DMRTA2: variants seen among roughly 807,000 people sequenced by gnomAD.
DMRTA2 encodes the protein doublesex- and mab-3-related transcription factor A2.
DMRTA2 carries 10 observed loss-of-function variants against 29.7 expected under a neutral mutation model. The observed-to-expected ratio is 0.34, with a 90% confidence interval of 0.21 to 0.57. The LOEUF (loss-of-function observed/expected upper bound fraction) is 0.57. Among genes scored for constraint, DMRTA2 ranks in the 20% least tolerant of loss-of-function variants. The pLI is 0.87. For synonymous variants in DMRTA2, 469 were observed against 402.6 expected (o/e 1.16, Z -1.97); for missense variants, 783 against 812.1 (o/e 0.96, Z 0.44).
In DMRTA2 at chr1:50,421,599, G is replaced by A. The variant is rs1252402620; in HGVS notation, c.-8-55C>T. ...AGACCTGGTGAGGAGCACACCGCGC[G>A]CTAGGCCAAAGCGCCGCCTTGAGGA... is the stretch of plus-strand genomic sequence containing the variant. On this transcript the variant is annotated intron_variant, in intron 1 of 2. Transcript: ENST00000404795. This position sits in a 1 kb window ranked among gnomAD's most constrained non-coding sequence, Gnocchi z 8.7. 100 of 1,218,878 alleles carry A rather than the reference G, an allele frequency of 8.2e-5. No individual in the cohort carries two copies. The highest frequency in any genetic ancestry group is 3.2e-4 in the Middle Eastern group (1 of 3,134). 75.5% of individuals were successfully genotyped at this position (1,218,878 alleles called of 1,614,324 possible).
intron 1 of DMRTA2, 54 bp downstream of exon 1, chr1:50,423,062 G>C (rs560006800): frequency 6.6e-6 from 1 of 152,546 alleles, no homozygotes; most frequent in East Asian, 1.9e-4. Flanking sequence ...CCTCAACAGG[G>C]GCCGCAGACC....
At position 50,419,520 on chromosome 1, in the gene DMRTA2, C is replaced by G. The variant is rs765368886; in HGVS notation, c.774G>C (p.Glu258Asp). The change falls in exon 3 of 3, where the codon GAG (glutamate) becomes GAC (aspartate). Residue 258 changes from glutamate (E) to aspartate (D), a missense_variant. Glu to Asp is a conservative substitution (Grantham distance 45). Around this residue, in one of 3 missense-constraint regions of DMRTA2, gnomAD observed 667 missense variants for 624.8 expected, o/e 1.07. Coordinates refer to ENST00000404795, the MANE Select transcript of DMRTA2 (RefSeq NM_032110.3). The surrounding 1 kb of genome is among the most constrained non-coding windows in gnomAD (Gnocchi z 6.1). ...SGSPLARASK[E>D]AGGSCPGSAG... ...CGCTGCCTGGGCAGCTGCCACCTGC[C>G]TCTTTGGAGGCCCGAGCTAGGGGCG... The G allele has an allele frequency of 3.1e-6, 5 of 1,588,196 alleles. No homozygotes were observed. Among genetic ancestry groups the G allele is most frequent in the East Asian group, 2.3e-5 (1 of 43,756 alleles).
chr1:50,419,852 G>T lies in DMRTA2; in HGVS notation c.560-118C>A. Reference sequence around the variant, plus strand: ...CAGCCCCACAGCCCTTATTCACTAGGCTCCAGTGCCCCTCTTTCTTTTTGC... The same window carrying T: ...CAGCCCCACAGCCCTTATTCACTAGTCTCCAGTGCCCCTCTTTCTTTTTGC... On this transcript the variant is annotated intron_variant, in intron 2 of 2. Transcript: ENST00000404795. The surrounding 1 kb of genome is among the most constrained non-coding windows in gnomAD (Gnocchi z 6.1). 1.2e-6 allele frequency: 1 copy of T among 828,292 alleles called. No individual in the cohort carries two copies. The allele number at this position is 828,292 out of a possible 1,614,324, so 51.3% of individuals were successfully genotyped here.
Position 50,421,645 on chromosome 1 carries a change from T to C in DMRTA2, c.-8-101A>G. The C allele has an allele frequency of 8.4e-7, 1 of 1,188,928 alleles. No homozygotes were observed. Among genetic ancestry groups the C allele is most frequent in the Non-Finnish European group, 1.0e-6 (1 of 960,290 alleles). 73.6% of individuals were successfully genotyped at this position (1,188,928 alleles called of 1,614,324 possible). On this transcript the variant is annotated intron_variant, in intron 1 of 2. Transcript: ENST00000404795. This position sits in a 1 kb window ranked among gnomAD's most constrained non-coding sequence, Gnocchi z 8.7. ...GAGGAACCCAAGCTGGAGAGGGAAA[T>C]TTGGGCCGCGGAGGCTGGGCTAGAG... is the stretch of plus-strand genomic sequence containing the variant.
rs1646047459 is a variant in DMRTA2 at position 50,422,662 on chromosome 1, G to A, written c.-9+454C>T. Among the ~76,000 whole-genome samples, 1 of 152,192 alleles carries A rather than the reference G, an allele frequency of 6.6e-6. No homozygotes were observed. ...TCACACTGCCCTCCCCTCCCCTCCG[G>A]GTTTAGGGACAGAGTCGTCAGACAC... is the stretch of plus-strand genomic sequence containing the variant. On this transcript the variant is annotated intron_variant, in intron 1 of 2. Transcript: ENST00000404795. This position sits in a 1 kb window ranked among gnomAD's most constrained non-coding sequence, Gnocchi z 5.7.
chr1:50,420,051 G>C lies in DMRTA2; in HGVS notation c.560-317C>G, dbSNP rs1254330392. Among the ~76,000 whole-genome samples, 1 of 152,104 alleles carries C rather than the reference G, an allele frequency of 6.6e-6. No individual in the cohort carries two copies. Among genetic ancestry groups the C allele is most frequent in the African/African-American group, 2.4e-5 (1 of 41,416 alleles). ...TTAACTGCCCTTCCAGTCCTGCCCT[G>C]CCGTGGAGAAGTGGCCAGGTCCAGG... On this transcript the variant is annotated intron_variant, in intron 2 of 2. Coordinates refer to ENST00000404795, the MANE Select transcript of DMRTA2 (RefSeq NM_032110.3). The surrounding 1 kb of genome is among the most constrained non-coding windows in gnomAD (Gnocchi z 4.1).
In DMRTA2 at chr1:50,420,939, A is replaced by G; in HGVS notation, c.559+39T>C. 7.1e-7 allele frequency: 1 copy of G among 1,410,480 alleles called. No individual in the cohort carries two copies. Among genetic ancestry groups the G allele is most frequent in the Non-Finnish European group, 9.2e-7 (1 of 1,092,578 alleles). 87.4% of individuals were successfully genotyped at this position (1,410,480 alleles called of 1,614,324 possible). ...CTGGGCCCCGTGCCCCAGAGCTACG[A>G]TCCTGCTGCCCCTACCTGCGGCCTG... On this transcript the variant is annotated intron_variant, in intron 2 of 2. Transcript: ENST00000404795. This position sits in a 1 kb window ranked among gnomAD's most constrained non-coding sequence, Gnocchi z 4.1.
At position 50,419,670 on chromosome 1, in the gene DMRTA2, G is replaced by A. The variant is rs1005449713; in HGVS notation, c.624C>T (p.Ser208=). ...KTLLQAGRPG[S]PLPPPVKPLS... is the part of the protein sequence containing the mutation. ...AGGGCTTCACCGGCGGCGGCAGCGG[G>A]CTGCCCGGGCGGCCTGCCTGCAGCA... The change falls in exon 3 of 3, where the codon AGC becomes AGT. Residue 208 remains serine (S), a synonymous_variant. Coordinates refer to ENST00000404795, the MANE Select transcript of DMRTA2 (RefSeq NM_032110.3). This position sits in a 1 kb window ranked among gnomAD's most constrained non-coding sequence, Gnocchi z 6.1. 5.3e-6 allele frequency: 8 copies of A among 1,496,242 alleles called. No homozygotes were observed. Among genetic ancestry groups the A allele is most frequent in the Non-Finnish European group, 6.2e-6 (7 of 1,126,658 alleles). The allele number at this position is 1,496,242 out of a possible 1,614,324, so 92.7% of individuals were successfully genotyped here.
At position 50,419,353 on chromosome 1, in the gene DMRTA2, C is replaced by G. The variant is rs771456139; in HGVS notation, c.941G>C (p.Arg314Pro). 6.3e-7 allele frequency: 1 copy of G among 1,596,920 alleles called. No homozygotes were observed. The highest frequency in any genetic ancestry group is 1.3e-5 in the African/African-American group (1 of 74,850). Residue 314 changes from arginine to proline, a missense_variant, in exon 3 of 3, where the codon CGG becomes CCG. Coordinates refer to ENST00000404795, the MANE Select transcript of DMRTA2 (RefSeq NM_032110.3). This position sits in a 1 kb window ranked among gnomAD's most constrained non-coding sequence, Gnocchi z 6.1. ...GLGGGSGPRQ[R>P]TPLDILTRVF... ...GCGTGTCAAGATATCCAGCGGCGTC[C>G]GCTGCCGTGGACCCGAGCCTCCGCC...
Position 50,421,074 on chromosome 1 carries a change from C to G in DMRTA2, c.463G>C (p.Glu155Gln). ...GCGGCGCACACTGAACCGAAGACCTCGTAGGCGGGCCTCGGGGGGATGATG... is the reference window on the plus strand; with the variant it reads ...GCGGCGCACACTGAACCGAAGACCTGGTAGGCGGGCCTCGGGGGGATGATG... Reference protein sequence around the residue: ...NGIIPPRPAYEVFGSVCAADG... With the variant: ...NGIIPPRPAYQVFGSVCAADG... Residue 155 changes from glutamate to glutamine, a missense_variant, in exon 2 of 3, where the codon GAG (glutamate) becomes CAG (glutamine). By Grantham distance (29) the Glu-to-Gln change is conservative. Transcript: ENST00000404795. The surrounding 1 kb of genome is among the most constrained non-coding windows in gnomAD (Gnocchi z 8.7). 6.6e-7 allele frequency: 1 copy of G among 1,521,696 alleles called. No homozygotes were observed. Among genetic ancestry groups the G allele is most frequent in the Non-Finnish European group, 8.8e-7 (1 of 1,140,198 alleles). The allele number at this position is 1,521,696 out of a possible 1,614,324, so 94.3% of individuals were successfully genotyped here.
Position 50,418,864 on chromosome 1 carries a change from C to G in DMRTA2, c.1430G>C (p.Ser477Thr), listed in dbSNP as rs200890998. 6.5e-7 allele frequency: 1 copy of G among 1,538,070 alleles called. No homozygotes were observed. The highest frequency in any genetic ancestry group is 8.7e-7 in the Non-Finnish European group (1 of 1,148,872). The change falls in exon 3 of 3, where the codon AGC becomes ACC. Residue 477 changes from serine (S) to threonine (T), a missense_variant. By Grantham distance (58) the Ser-to-Thr change is moderately conservative (BLOSUM62 1). Around this residue, in one of 3 missense-constraint regions of DMRTA2, gnomAD observed 667 missense variants for 624.8 expected, o/e 1.07. Transcript: ENST00000404795. ...RLAYSAAAAH[S>T]RGLAFMAPYS... The stretch of plus-strand genomic sequence containing the variant: ...GGGCGCCATGAAGGCCAGACCGCGG[C>G]TGTGCGCCGCCGCCGCGGAGTAGGC...
In DMRTA2 at chr1:50,419,109, G is replaced by GGCGGCA; in HGVS notation, c.1184_1185insTGCCGC (p.Ala396_Ala397dup). Reference sequence around the variant, plus strand: ...CAGGCAGCCCAGGCCCCCCGGCGGCGGCGGCGGCGGCGGCGGCGGCGTCGA... The same window carrying GGCGGCA: ...CAGGCAGCCCAGGCCCCCCGGCGGCGGCGGCAGCGGCGGCGGCGGCGGCGGCGTCGA... On this transcript the variant is annotated inframe_insertion, in exon 3 of 3. Coordinates refer to ENST00000404795, the MANE Select transcript of DMRTA2 (RefSeq NM_032110.3). This position sits in a 1 kb window ranked among gnomAD's most constrained non-coding sequence, Gnocchi z 6.1. 1 of 862,566 alleles carries GGCGGCA rather than the reference G, an allele frequency of 1.2e-6. No homozygotes were observed. Among genetic ancestry groups the GGCGGCA allele is most frequent in the Non-Finnish European group, 1.5e-6 (1 of 676,990 alleles). The allele number at this position is 862,566 out of a possible 1,614,324, so 53.4% of individuals were successfully genotyped here.
In DMRTA2 at chr1:50,418,415, G is replaced by A. The variant is rs1646003795; in HGVS notation, c.*250C>T. The A allele has an allele frequency of 5.5e-6, 2 of 365,174 alleles. No individual in the cohort carries two copies. Among genetic ancestry groups the A allele is most frequent in the Admixed American group, 9.3e-5 (2 of 21,602 alleles). The allele number at this position is 365,174 out of a possible 1,614,324, so 22.6% of individuals were successfully genotyped here. ...GGGGGCCGGGTGAGGCTGGAAGAGG[G>A]ATCCGGAGGTAGGAGATGAGGACCC... On this transcript the variant is annotated 3_prime_UTR_variant, in exon 3 of 3. Transcript: ENST00000404795.
rs1321131135 is a variant in DMRTA2 at position 50,421,294 on chromosome 1, G to A, written c.243C>T (p.Ala81=). The A allele has an allele frequency of 1.4e-5, 22 of 1,532,916 alleles. No individual in the cohort carries two copies. Among genetic ancestry groups the A allele is most frequent in the East Asian group, 2.6e-5 (1 of 38,218 alleles). 95.0% of individuals were successfully genotyped at this position (1,532,916 alleles called of 1,614,324 possible). Residue 81 remains alanine (A), a synonymous_variant, in exon 2 of 3, where the codon GCC becomes GCT. Coordinates refer to ENST00000404795, the MANE Select transcript of DMRTA2 (RefSeq NM_032110.3). This position sits in a 1 kb window ranked among gnomAD's most constrained non-coding sequence, Gnocchi z 8.7. ...ARCRNHGVVS[A]LKGHKRYCRW... ...GACAGTAGCGTTTGTGGCCCTTGAG[G>A]GCCGACACCACGCCATGGTTGCGAC...
Position 50,422,633 on chromosome 1 carries a change from C to G in DMRTA2, c.-9+483G>C, listed in dbSNP as rs536797827. Reference sequence around the variant, plus strand: ...CGGGAGGGGGATCTTTCTCGAAGACCACCTCACACTGCCCTCCCCTCCCCT... The same window carrying G: ...CGGGAGGGGGATCTTTCTCGAAGACGACCTCACACTGCCCTCCCCTCCCCT... On this transcript the variant is annotated intron_variant, in intron 1 of 2. Coordinates refer to ENST00000404795, the MANE Select transcript of DMRTA2 (RefSeq NM_032110.3). This position sits in a 1 kb window ranked among gnomAD's most constrained non-coding sequence, Gnocchi z 5.7. 1.1e-4 allele frequency among the ~76,000 whole-genome samples: 16 copies of G among 152,294 alleles called. No individual in the cohort carries two copies. The highest frequency in any genetic ancestry group is 9.2e-4 in the Admixed American group (14 of 15,298).
chr1:50,419,858 GT>G lies in DMRTA2; in HGVS notation c.560-125del. 1.3e-6 allele frequency: 1 copy of G among 793,058 alleles called. No individual in the cohort carries two copies. The allele number at this position is 793,058 out of a possible 1,614,324, so 49.1% of individuals were successfully genotyped here. A position where few individuals can be genotyped will look rare whatever the true frequency, so the allele number is the denominator to read the frequency against. ...CACAGCCCTTATTCACTAGGCTCCA[GT>G]GCCCCTCTTTCTTTTTGCTCTAGCA... On this transcript the variant is annotated intron_variant, in intron 2 of 2. Coordinates refer to ENST00000404795, the MANE Select transcript of DMRTA2 (RefSeq NM_032110.3). This position sits in a 1 kb window ranked among gnomAD's most constrained non-coding sequence, Gnocchi z 6.1.
At position 50,421,414 on chromosome 1, in the gene DMRTA2, C is replaced by A. The variant is rs1210571799; in HGVS notation, c.123G>T (p.Ser41=). Residue 41 remains serine (S), a synonymous_variant, in exon 2 of 3, where the codon TCG becomes TCT. Transcript: ENST00000404795. The surrounding 1 kb of genome is among the most constrained non-coding windows in gnomAD (Gnocchi z 8.7). ...SVAAAAAAAA[S]LPVSVAGGLL... The stretch of plus-strand genomic sequence containing the variant: ...AGCCGCCTGCCACGCTCACCGGTAG[C>A]GATGCAGCGGCCGCCGCGGCTGCCG... 3.1e-5 allele frequency: 44 copies of A among 1,413,284 alleles called. No homozygotes were observed. The highest frequency in any genetic ancestry group is 4.0e-5 in the Non-Finnish European group (43 of 1,084,658). The allele number at this position is 1,413,284 out of a possible 1,614,324, so 87.5% of individuals were successfully genotyped here. A position where few individuals can be genotyped will look rare whatever the true frequency, so the allele number is the denominator to read the frequency against.
chr1:50,421,591 C>A lies in DMRTA2; in HGVS notation c.-8-47G>T. The A allele has an allele frequency of 8.2e-7, 1 of 1,225,952 alleles. No individual in the cohort carries two copies. 75.9% of individuals were successfully genotyped at this position (1,225,952 alleles called of 1,614,324 possible). On this transcript the variant is annotated intron_variant, in intron 1 of 2. Coordinates refer to ENST00000404795, the MANE Select transcript of DMRTA2 (RefSeq NM_032110.3). The surrounding 1 kb of genome is among the most constrained non-coding windows in gnomAD (Gnocchi z 8.7). ...GAGGGGAGAGACCTGGTGAGGAGCACACCGCGCGCTAGGCCAAAGCGCCGC... is the reference window on the plus strand; with the variant it reads ...GAGGGGAGAGACCTGGTGAGGAGCAAACCGCGCGCTAGGCCAAAGCGCCGC...
chr1:50,419,006 C>G lies in DMRTA2; in HGVS notation c.1288G>C (p.Gly430Arg), dbSNP rs1298663453. 7.1e-7 allele frequency: 1 copy of G among 1,410,254 alleles called. No individual in the cohort carries two copies. The highest frequency in any genetic ancestry group is 9.2e-7 in the Non-Finnish European group (1 of 1,088,032). The allele number at this position is 1,410,254 out of a possible 1,614,324, so 87.4% of individuals were successfully genotyped here. A position where few individuals can be genotyped will look rare whatever the true frequency, so the allele number is the denominator to read the frequency against. ...LAGAMAPGAL[G>R]SLSSRSAFSP... The stretch of plus-strand genomic sequence containing the variant: ...AAGGCCGAGCGGCTGCTCAGCGAGC[C>G]CAGCGCCCCAGGCGCCATGGCGCCG... The change falls in exon 3 of 3, where the codon GGC becomes CGC. Residue 430 changes from glycine (G) to arginine (R), a missense_variant. Coordinates refer to ENST00000404795, the MANE Select transcript of DMRTA2 (RefSeq NM_032110.3). This position sits in a 1 kb window ranked among gnomAD's most constrained non-coding sequence, Gnocchi z 6.1.
Sources: allele counts gnomAD v4.1 joint callset (sites outside exome capture counted in the v4.1 genomes callset), GRCh38; gene constraint gnomAD v4.1.1; regional missense constraint gnomAD v4.1.1; non-coding constraint Gnocchi (gnomAD v3.1); transcripts MANE v1.5; gene names NCBI Gene and HGNC (gene_info 2026-07-23, HGNC 2026-07-21).